ME2: variants seen among roughly 807,000 people sequenced by gnomAD.
ME2 encodes the protein malic enzyme 2.
Under a neutral mutation model 73.7 loss-of-function variants are expected in ME2, and 60 were observed. That is an observed-to-expected ratio of 0.81 (90% CI 0.66 to 1.01). The LOEUF is 1.01. Among genes scored for constraint, ME2 ranks in the 50% least tolerant of loss-of-function variants. The pLI, the probability that ME2 is intolerant of heterozygous loss-of-function variation, is 0.00. For synonymous variants in ME2, 199 were observed against 236.9 expected, an observed-to-expected ratio of 0.84 and a Z score of 1.47; for missense variants, 594 against 705.5, an observed-to-expected ratio of 0.84 and a Z score of 1.79.
At chr18:50,912,998 A>T in intron 4 of ME2, 48 bp downstream of exon 4, 1 of 1,489,262 alleles carries the variant, frequency 6.7e-7, no homozygotes, top group Non-Finnish European at 9.1e-7. Context: ...TGAATAAGGA[A>T]AATATCATTC....
In ME2 at chr18:50,884,815, G is replaced by A. The variant is rs1051712425; in HGVS notation, c.-13+5507G>A. On this transcript the variant is annotated intron_variant, in intron 1 of 15. Transcript: ENST00000321341. ...CCATTTTAGATTTGCCTACCTTGCA[G>A]TACTAATCACCAAAGTTTGTGTGTG... is the stretch of plus-strand genomic sequence containing the variant. Among the ~76,000 whole-genome samples, 4 of 148,540 alleles carry A rather than the reference G, an allele frequency of 2.7e-5. 1 individual carries two copies. The South Asian group carries it at 6.6e-4, about 24-fold the overall frequency.
chr18:50,879,957 C>G (rs1916273044), intron 1 of ME2, among the ~76,000 whole-genome samples: 1 of 152,162 alleles, frequency 6.6e-6, no homozygotes, highest in Non-Finnish European at 1.5e-5. Context: ...AGAGATAATT[C>G]TAGAAAATTT....
At position 50,917,442 on chromosome 18, in the gene ME2, A is replaced by G; in HGVS notation, c.564A>G (p.Thr188=). The change falls in exon 6 of 16, where the codon ACA becomes ACG. Residue 188 remains threonine (T), a synonymous_variant. Coordinates refer to ENST00000321341, the MANE Select transcript of ME2 (RefSeq NM_002396.5). ...CAGTAGGAAAACTTTGTTTGTATACAGCTTGTGCAGGAATACGGCCTGATA... is the reference window on the plus strand; with the variant it reads ...CAGTAGGAAAACTTTGTTTGTATACGGCTTGTGCAGGAATACGGCCTGATA... The part of the protein sequence containing the change: ...GIPVGKLCLY[T]ACAGIRPDRC... 6.2e-7 allele frequency: 1 copy of G among 1,613,742 alleles called. No homozygotes were observed. The highest frequency in any genetic ancestry group is 8.5e-7 in the Non-Finnish European group (1 of 1,179,722).
intron 12 of ME2, 83 bp downstream of exon 12, chr18:50,925,981 A>G (rs1185780969): frequency 4.0e-6 from 4 of 999,348 alleles, no homozygotes; most frequent in African/African-American, 3.2e-5. Context: ...CCATTGTTCT[A>G]ATGGTTTCCC....
intron 11 of ME2, among the ~76,000 whole-genome samples, chr18:50,924,522 C>G (rs1478745937): frequency 6.6e-6 from 1 of 152,146 alleles, no homozygotes; most frequent in East Asian, 1.9e-4. Context: ...TATGCAGACT[C>G]AAAGTTTTCG....
chr18:50,935,927 C>T (rs1917808910), intron 13 of ME2, among the ~76,000 whole-genome samples: 1 of 151,178 alleles, frequency 6.6e-6, no homozygotes, highest in Admixed American at 6.6e-5. Flanking sequence ...TAATTGAAGT[C>T]CTAGAAGAAA....
At chr18:50,941,953 A>G (rs1291859122) in intron 15 of ME2, among the ~76,000 whole-genome samples, 1 of 151,888 alleles carries the variant, frequency 6.6e-6, no homozygotes, top group African/African-American at 2.4e-5. Flanking sequence ...AAGTGTATAT[A>G]TACTGTTTGC....
intron 7 of ME2, among the ~76,000 whole-genome samples, chr18:50,919,997 T>C (rs1290496124): frequency 6.6e-6 from 1 of 152,166 alleles, no homozygotes; most frequent in Non-Finnish European, 1.5e-5. Context: ...TTTTCAAGCC[T>C]TCCCTTACTA....
At chr18:50,883,233 G>C (rs570746383) in intron 1 of ME2, among the ~76,000 whole-genome samples, 2 of 152,274 alleles carry the variant, frequency 1.3e-5, no homozygotes, top group Admixed American at 6.5e-5. Flanking sequence ...GTCCAGTCCA[G>C]ATTCACTCTC....
At position 50,917,344 on chromosome 18, in the gene ME2, A is replaced by G; in HGVS notation, c.469-3A>G. 6.2e-7 allele frequency: 1 copy of G among 1,605,542 alleles called. No homozygotes were observed. Among genetic ancestry groups the G allele is most frequent in the Non-Finnish European group, 8.5e-7 (1 of 1,175,944 alleles). On this transcript the variant is annotated splice_region_variant and splice_polypyrimidine_tract_variant and intron_variant, in intron 5 of 15. Transcript: ENST00000321341. ...TTTTAATTTGCATTTTTTTGTGATTAAGGCTGTTGTAGTGACTGATGGAGA... is the reference window on the plus strand; with the variant it reads ...TTTTAATTTGCATTTTTTTGTGATTGAGGCTGTTGTAGTGACTGATGGAGA...
chr18:50,910,051 C>A (rs1917110861), intron 3 of ME2, among the ~76,000 whole-genome samples: 1 of 151,972 alleles, frequency 6.6e-6, no homozygotes, highest in South Asian at 2.1e-4. Flanking sequence ...ATATGAAAGT[C>A]ATCGCTCAGA....
chr18:50,944,205 C>A (rs1047176049), intron 15 of ME2, among the ~76,000 whole-genome samples: 1 of 152,052 alleles, frequency 6.6e-6, no homozygotes, highest in East Asian at 1.9e-4. Flanking sequence ...CAGAGCAAGA[C>A]CCTGTCTCTA....
chr18:50,889,123 T>C (rs931087645), intron 1 of ME2, among the ~76,000 whole-genome samples: 2 of 152,196 alleles, frequency 1.3e-5, no homozygotes, highest in African/African-American at 4.8e-5. Flanking sequence ...TGTCAAGTTG[T>C]ATATTTTTAT....
Position 50,947,883 on chromosome 18 carries a change from A to G in ME2, c.*699A>G, listed in dbSNP as rs1375619338. 1 of 152,202 alleles carries G rather than the reference A, an allele frequency of 6.6e-6. No individual in the cohort carries two copies. Among genetic ancestry groups the G allele is most frequent in the African/African-American group, 2.4e-5 (1 of 41,458 alleles). The allele number at this position is 152,202 out of a possible 1,614,324, so 9.4% of individuals were successfully genotyped here. ...AACCTTTTTATTTAATAAATATCTT[A>G]CATTTAATTGCTTCAGTTATGCTAT... On this transcript the variant is annotated 3_prime_UTR_variant, in exon 16 of 16. Coordinates refer to ENST00000321341, the MANE Select transcript of ME2 (RefSeq NM_002396.5).
intron 4 of ME2, 64 bp downstream of exon 4, chr18:50,913,014 C>T: frequency 3.7e-6 from 5 of 1,336,302 alleles, no homozygotes; most frequent in African/African-American, 1.5e-5. Flanking sequence ...CATTCCATAA[C>T]ACCCATTACA....
chr18:50,940,008 A>G (rs1487707044), intron 14 of ME2: 1 of 446,010 alleles, frequency 2.2e-6, no homozygotes, highest in East Asian at 4.1e-5. Flanking sequence ...ACTCACATTA[A>G]TACAATTAAT....
At chr18:50,922,529 A>C (rs934347246) in intron 10 of ME2, among the ~76,000 whole-genome samples, 1 of 152,240 alleles carries the variant, frequency 6.6e-6, no homozygotes, top group African/African-American at 2.4e-5. Flanking sequence ...GTATGTTTTG[A>C]CTAGTACACA....
chr18:50,903,710 A>G (rs550171577), intron 2 of ME2, among the ~76,000 whole-genome samples: 8 of 152,318 alleles, frequency 5.3e-5, no homozygotes, highest in African/African-American at 1.9e-4. Flanking sequence ...TGGCATCCCA[A>G]AATGCTTGGA....
chr18:50,948,073 A>T lies in ME2; in HGVS notation c.*889A>T, dbSNP rs1918130806. The T allele has an allele frequency of 6.6e-6, 1 of 152,244 alleles. No individual in the cohort carries two copies. The highest frequency in any genetic ancestry group is 1.5e-5 in the Non-Finnish European group (1 of 68,042). 9.4% of individuals were successfully genotyped at this position (152,244 alleles called of 1,614,324 possible). A position where few individuals can be genotyped will look rare whatever the true frequency, so the allele number is the denominator to read the frequency against. ...TTCACATCAAAATGAGTCATATTTA[A>T]CTGGAGAAACTATGCCCTTATTCCA... On this transcript the variant is annotated 3_prime_UTR_variant, in exon 16 of 16. Transcript: ENST00000321341.
Sources: allele counts gnomAD v4.1 joint callset (sites outside exome capture counted in the v4.1 genomes callset), GRCh38; gene constraint gnomAD v4.1.1; transcripts MANE v1.5; gene names NCBI Gene and HGNC (gene_info 2026-07-23, HGNC 2026-07-21).